Variants in LMAN2 observed in about 807,000 individuals in gnomAD.
LMAN2 encodes vesicular integral-membrane protein VIP36.
A neutral mutation model predicts 39.3 loss-of-function variants in LMAN2; 22 were observed. The observed-to-expected ratio is 0.56, with a 90% CI of 0.40 to 0.80. The LOEUF is 0.80. Ranked by LOEUF, LMAN2 falls within the 30% of genes least tolerant of loss-of-function variation. LMAN2 has a pLI of 0.00. For synonymous variants in LMAN2, 207 were observed against 207.8 expected (o/e 1.00, Z 0.03); for missense variants, 494 against 505.4 (o/e 0.98, Z 0.22).
At chr5:177,334,507 G>C (rs1761440859) in intron 6 of LMAN2, 104 bp from the exon 7 acceptor site, 2 of 1,482,974 alleles carry the variant, frequency 1.3e-6, no homozygotes, top group Non-Finnish European at 1.8e-6. Context: ...CAGTAAACCT[G>C]CCAGGCCCCT....
intron 2 of LMAN2, among the ~76,000 whole-genome samples, chr5:177,341,971 G>A (rs1472569359): frequency 6.6e-6 from 1 of 151,820 alleles, no homozygotes. Context: ...AATAGAAGAG[G>A]AAAAATAGGA....
chr5:177,335,305 G>A (rs1204836569), intron 6 of LMAN2, among the ~76,000 whole-genome samples: 2 of 152,186 alleles, frequency 1.3e-5, no homozygotes, highest in Non-Finnish European at 2.9e-5. Flanking sequence ...CTTCCTGCTC[G>A]TATCTTAGGA....
intron 2 of LMAN2, among the ~76,000 whole-genome samples, chr5:177,350,760 G>T (rs1761710078): frequency 6.6e-6 from 1 of 152,236 alleles, no homozygotes; most frequent in Non-Finnish European, 1.5e-5. Flanking sequence ...GGCAAGGTCA[G>T]TGCCTAATAC....
chr5:177,332,266 G>A lies in LMAN2; in HGVS notation c.911-20C>T, dbSNP rs928682290. 6.2e-7 allele frequency: 1 copy of A among 1,609,352 alleles called. No individual in the cohort carries two copies. Among genetic ancestry groups the A allele is most frequent in the Middle Eastern group, 1.7e-4 (1 of 5,766 alleles). The stretch of plus-strand genomic sequence containing the variant: ...CGTTGTCTGGGGGAGAAGAAACGGG[G>A]GAGCTGAAACGGCAGCACGGGCCGG... On this transcript the variant is annotated intron_variant, in intron 7 of 7. Coordinates refer to ENST00000303127, the MANE Select transcript of LMAN2 (RefSeq NM_006816.3). This position sits in a 1 kb window ranked among gnomAD's most constrained non-coding sequence, Gnocchi z 6.3.
intron 2 of LMAN2, among the ~76,000 whole-genome samples, chr5:177,350,176 C>T (rs1184912096): frequency 1.3e-5 from 2 of 152,104 alleles, no homozygotes; most frequent in African/African-American, 2.4e-5. Context: ...GCAGAGGGGA[C>T]GGGCAGACCA....
At chr5:177,349,870 G>A (rs1761695242) in intron 2 of LMAN2, among the ~76,000 whole-genome samples, 1 of 152,206 alleles carries the variant, frequency 6.6e-6, no homozygotes, top group Non-Finnish European at 1.5e-5. Flanking sequence ...CTTGAATTGA[G>A]ACTTAACAGA....
chr5:177,334,055 C>T (rs1043842086), intron 7 of LMAN2, among the ~76,000 whole-genome samples: 37 of 152,226 alleles, frequency 2.4e-4, no homozygotes, highest in African/African-American at 8.2e-4. Context: ...ACTTCTCTTC[C>T]GCCTCATTCA....
chr5:177,344,887 C>G (rs889929568), intron 2 of LMAN2, among the ~76,000 whole-genome samples: 1 of 151,192 alleles, frequency 6.6e-6, no homozygotes, highest in Admixed American at 6.6e-5. Context: ...GCCTGGGCAA[C>G]AGAGTGAGAC....
chr5:177,343,500 T>C (rs1581604735), intron 2 of LMAN2, among the ~76,000 whole-genome samples: 1 of 130,042 alleles, frequency 7.7e-6, no homozygotes, highest in Admixed American at 7.1e-5. Context: ...CTATTCACAA[T>C]GGCAACAGAT....
At chr5:177,349,654 G>C (rs1331934040) in intron 2 of LMAN2, among the ~76,000 whole-genome samples, 1 of 152,180 alleles carries the variant, frequency 6.6e-6, no homozygotes, top group Non-Finnish European at 1.5e-5. Flanking sequence ...ATTACTTGTG[G>C]CTACTCCTGA....
intron 2 of LMAN2, among the ~76,000 whole-genome samples, chr5:177,343,768 T>C (rs1761593791): frequency 6.6e-6 from 1 of 152,118 alleles, no homozygotes; most frequent in African/African-American, 2.4e-5. Flanking sequence ...GGTAGAATGG[T>C]GGTTACCAGG....
In LMAN2 at chr5:177,337,419, G is replaced by A. The variant is rs776963141; in HGVS notation, c.619C>T (p.Arg207Cys). 1.4e-5 allele frequency: 22 copies of A among 1,613,270 alleles called. No individual in the cohort carries two copies. The highest frequency in any genetic ancestry group is 8.9e-5 in the East Asian group (4 of 44,894). ...AGGAAGGTGTCGTGATCGCGGTTGC[G>A]GAAGTCAGCCGTGCAGCCCGCCAGC... ...TELAGCTADF[R>C]NRDHDTFLAV... Residue 207 changes from arginine to cysteine, a missense_variant, in exon 5 of 8, where the codon CGC becomes TGC. Physicochemically the swap from Arg to Cys is radical, Grantham distance 180. Transcript: ENST00000303127. This position sits in a 1 kb window ranked among gnomAD's most constrained non-coding sequence, Gnocchi z 8.2.
intron 2 of LMAN2, among the ~76,000 whole-genome samples, chr5:177,347,770 G>A (rs956319152): frequency 6.6e-6 from 1 of 152,148 alleles, no homozygotes; most frequent in Non-Finnish European, 1.5e-5. Flanking sequence ...ACTGCATGAC[G>A]TTGGGTTTAT....
At chr5:177,346,672 C>T (rs1224035414) in intron 2 of LMAN2, among the ~76,000 whole-genome samples, 1 of 145,042 alleles carries the variant, frequency 6.9e-6, no homozygotes, top group Non-Finnish European at 1.5e-5. Context: ...TTTTTTAACA[C>T]TTTTTTTTTT....
chr5:177,338,506 G>A lies in LMAN2; in HGVS notation c.415C>T (p.Arg139Trp), dbSNP rs372222840. The stretch of plus-strand genomic sequence containing the variant: ...AGCCCACCTGGCACGAGGCGGTCCC[G>A]GGTGTACCACAAGGCGATGCCGTCT... ...HGDGIALWYT[R>W]DRLVPGPVFG... Residue 139 changes from arginine to tryptophan, a missense_variant, in exon 3 of 8, where the codon CGG (arginine) becomes TGG (tryptophan). By Grantham distance (101) the Arg-to-Trp change is moderately radical. Coordinates refer to ENST00000303127, the MANE Select transcript of LMAN2 (RefSeq NM_006816.3). 52 of 1,613,918 alleles carry A rather than the reference G, an allele frequency of 3.2e-5. No homozygotes were observed. Among genetic ancestry groups the A allele is most frequent in the African/African-American group, 2.7e-4 (20 of 74,948 alleles).
Position 177,351,629 on chromosome 5 carries a change from T to A in LMAN2, c.19A>T (p.Ile7Phe), listed in dbSNP as rs778900970. Residue 7 changes from isoleucine to phenylalanine, a missense_variant, in exon 1 of 8, where the codon ATT becomes TTT. Physicochemically the swap from Ile to Phe is conservative, Grantham distance 21. Transcript: ENST00000303127. The part of the protein sequence containing the change: MAAEGW[I>F]WRWGWGRRCL... ...CGCCGGCCCCAGCCCCAACGCCAAA[T>A]CCAGCCTTCCGCCGCCATTCTCCTC... 2 of 1,594,062 alleles carry A rather than the reference T, an allele frequency of 1.3e-6. No individual in the cohort carries two copies. Among genetic ancestry groups the A allele is most frequent in the Admixed American group, 1.8e-5 (1 of 54,474 alleles).
At chr5:177,341,667 C>T (rs1186784285) in intron 2 of LMAN2, among the ~76,000 whole-genome samples, 1 of 152,142 alleles carries the variant, frequency 6.6e-6, no homozygotes. Flanking sequence ...AAAATGATCC[C>T]CATCCAGATG....
chr5:177,351,557 T>C lies in LMAN2; in HGVS notation c.91A>G (p.Thr31Ala). The stretch of plus-strand genomic sequence containing the variant: ...AACAACAAAAGAAGAAAGAGAGGTG[T>C]AGTGGGGCCAGGGCCGGGGCCGAGA... The part of the protein sequence containing the change: ...GLLGPGPGPT[T>A]PLFLLLLLGS... Residue 31 changes from threonine (T) to alanine (A), a missense_variant, in exon 1 of 8, where the codon ACA becomes GCA. Physicochemically the swap from Thr to Ala is moderately conservative, Grantham distance 58. Transcript: ENST00000303127. 6.2e-7 allele frequency: 1 copy of C among 1,614,216 alleles called. No homozygotes were observed. Among genetic ancestry groups the C allele is most frequent in the Non-Finnish European group, 8.5e-7 (1 of 1,180,042 alleles).
rs768821010 is a variant in LMAN2, at chr5:177,351,599, G to A, written c.49C>T (p.Leu17=). ...GGGCCGAGAAGCCCAGGCCTTCCCA[G>A]GCACCGCCGGCCCCAGCCCCAACGC... ...IWRWGWGRRC[L]GRPGLLGPGP... The change falls in exon 1 of 8, where the codon CTG becomes TTG. Residue 17 remains leucine, a synonymous_variant. Transcript: ENST00000303127. 6.8e-6 allele frequency: 11 copies of A among 1,610,476 alleles called. No homozygotes were observed. Among genetic ancestry groups the A allele is most frequent in the Admixed American group, 1.7e-5 (1 of 58,982 alleles).
Sources: allele counts gnomAD v4.1 joint callset (sites outside exome capture counted in the v4.1 genomes callset), GRCh38; gene constraint gnomAD v4.1.1; non-coding constraint Gnocchi (gnomAD v3.1); transcripts MANE v1.5; gene names NCBI Gene and HGNC (gene_info 2026-07-23, HGNC 2026-07-21).